The following RIMKLA variants were observed in gnomAD, a reference collection of about 807,000 sequenced individuals.
RIMKLA encodes N-acetylaspartylglutamate synthase A.
A neutral mutation model predicts 32.7 loss-of-function variants in RIMKLA; 14 were observed. The ratio of observed to expected loss-of-function variants is 0.43; its 90% CI spans 0.28 to 0.67. The LOEUF (loss-of-function observed/expected upper bound fraction) is 0.67. Among genes scored for constraint, RIMKLA ranks in the 30% least tolerant of loss-of-function variants. The pLI, the probability that RIMKLA is intolerant of heterozygous loss-of-function variation, is 0.18. For missense variants in RIMKLA, 410 were observed against 519.0 expected, an observed-to-expected ratio of 0.79 and a Z score of 2.04; for synonymous variants, 176 against 204.1, an observed-to-expected ratio of 0.86 and a Z score of 1.18.
In RIMKLA at chr1:42,421,142, G is replaced by A. The variant is rs945098177; in HGVS notation, c.*6168G>A. 4 of 152,366 alleles carry A rather than the reference G, an allele frequency of 2.6e-5. No individual in the cohort carries two copies. The highest frequency in any genetic ancestry group is 9.6e-5 in the African/African-American group (4 of 41,572). 9.4% of individuals were successfully genotyped at this position (152,366 alleles called of 1,614,324 possible). A position where few individuals can be genotyped will look rare whatever the true frequency, so the allele number is the denominator to read the frequency against. ...GTCCCATCCATCCTTGAGATTTTAT[G>A]ACGCTATGTGCAAGATCTAGCGAAC... On this transcript the variant is annotated 3_prime_UTR_variant, in exon 5 of 5. Coordinates refer to ENST00000431473, the MANE Select transcript of RIMKLA (RefSeq NM_173642.4). The surrounding 1 kb of genome is among the most constrained non-coding windows in gnomAD (Gnocchi z 4.6).
chr1:42,400,636 A>G (rs1490938807), intron 2 of RIMKLA, among the ~76,000 whole-genome samples: 2 of 152,218 alleles, frequency 1.3e-5, no homozygotes, highest in African/African-American at 4.8e-5. Flanking sequence ...AAGACTAGAA[A>G]TGTGGGAGGA....
chr1:42,393,360 C>A (rs919876197), intron 1 of RIMKLA, among the ~76,000 whole-genome samples: 3 of 152,180 alleles, frequency 2.0e-5, no homozygotes, highest in African/African-American at 7.2e-5. Context: ...GTGTATCTTT[C>A]TCTGTGAGGA....
In RIMKLA at chr1:42,415,064, T is replaced by C. The variant is rs1286427760; in HGVS notation, c.*90T>C. On this transcript the variant is annotated 3_prime_UTR_variant, in exon 5 of 5. Transcript: ENST00000431473. ...AAATCTGGACTAATGTGATTTCATT[T>C]GCACAGAAACTAGAAATCCCATCTG... 1 of 1,367,984 alleles carries C rather than the reference T, an allele frequency of 7.3e-7. No homozygotes were observed. The highest frequency in any genetic ancestry group is 9.9e-7 in the Non-Finnish European group (1 of 1,012,914). 84.7% of individuals were successfully genotyped at this position (1,367,984 alleles called of 1,614,324 possible).
intron 1 of RIMKLA, among the ~76,000 whole-genome samples, chr1:42,389,361 G>A (rs1642976979): frequency 6.6e-6 from 1 of 152,194 alleles, no homozygotes; most frequent in Non-Finnish European, 1.5e-5. Context: ...GAAGGGTTCA[G>A]AGATTGAGCT....
At chr1:42,393,290 T>C (rs1374120327) in intron 1 of RIMKLA, among the ~76,000 whole-genome samples, 1 of 152,146 alleles carries the variant, frequency 6.6e-6, no homozygotes, top group African/African-American at 2.4e-5. Context: ...AAATATTCCC[T>C]GAATGAATAT....
At chr1:42,392,695 A>G (rs1293375055) in intron 1 of RIMKLA, among the ~76,000 whole-genome samples, 1 of 152,216 alleles carries the variant, frequency 6.6e-6, no homozygotes, top group Non-Finnish European at 1.5e-5. Context: ...GGCTGGGCAT[A>G]GTGGCTCATA....
chr1:42,381,718 C>G (rs551207564), intron 1 of RIMKLA, among the ~76,000 whole-genome samples: 49 of 152,316 alleles, frequency 3.2e-4, no homozygotes, highest in Admixed American at 2.8e-3. Flanking sequence ...GCCGGGATTT[C>G]AGGTTCAGAC....
chr1:42,381,146 G>A, intron 1 of RIMKLA, 49 bp downstream of exon 1: 1 of 1,236,504 alleles, frequency 8.1e-7, no homozygotes, highest in South Asian at 3.4e-5. Context: ...CGGGGTCCAC[G>A]AGAGCCGGTC....
At chr1:42,389,770 T>G (rs112845650) in intron 1 of RIMKLA, among the ~76,000 whole-genome samples, 1 of 151,748 alleles carries the variant, frequency 6.6e-6, no homozygotes, top group Non-Finnish European at 1.5e-5. Context: ...GCAGAGATCG[T>G]GCCACTGCAC....
chr1:42,410,284 C>A (rs911217328), intron 4 of RIMKLA, 97 bp downstream of exon 4: 1 of 973,786 alleles, frequency 1.0e-6, no homozygotes, highest in South Asian at 1.5e-5. Flanking sequence ...CTGCTAGACA[C>A]CAGGATCTCA....
chr1:42,423,171 T>C lies in RIMKLA; in HGVS notation c.*8197T>C, dbSNP rs936415082. The stretch of plus-strand genomic sequence containing the variant: ...GCTTCTGAGGGTCAGGGAGTCCAAA[T>C]TGAGGTCAGAGCATCAAAGGGATAG... On this transcript the variant is annotated 3_prime_UTR_variant, in exon 5 of 5. Transcript: ENST00000431473. 3.9e-5 allele frequency among the ~76,000 whole-genome samples: 6 copies of C among 152,114 alleles called. No homozygotes were observed. The highest frequency in any genetic ancestry group is 7.2e-5 in the African/African-American group (3 of 41,418).
At chr1:42,412,468 A>G in intron 4 of RIMKLA, 1 of 340,270 alleles carries the variant, frequency 2.9e-6, no homozygotes, top group South Asian at 2.5e-5. Flanking sequence ...CATGATGGCC[A>G]TGATGCCAGC....
chr1:42,413,053 G>A (rs1444265897), intron 4 of RIMKLA, among the ~76,000 whole-genome samples: 3 of 152,114 alleles, frequency 2.0e-5, no homozygotes, highest in African/African-American at 7.2e-5. Context: ...AGAATCGCTT[G>A]AACCCGGGAG....
At chr1:42,397,139 T>C (rs1041958737) in intron 1 of RIMKLA, among the ~76,000 whole-genome samples, 3 of 152,198 alleles carry the variant, frequency 2.0e-5, no homozygotes, top group African/African-American at 7.2e-5. Flanking sequence ...CAAAAAACAG[T>C]TTATTGTAAT....
intron 1 of RIMKLA, among the ~76,000 whole-genome samples, chr1:42,387,398 A>G (rs928323645): frequency 1.3e-5 from 2 of 150,912 alleles, no homozygotes; most frequent in African/African-American, 4.9e-5. Flanking sequence ...CCCTGTTTCA[A>G]AAAAAAAAAT....
At chr1:42,382,408 TTGGGCAAACCAC>T (rs1263830338) in intron 1 of RIMKLA, among the ~76,000 whole-genome samples, 2 of 152,248 alleles carry the variant, frequency 1.3e-5, no homozygotes, top group Non-Finnish European at 2.9e-5. Context: ...TGGCTTTGCT[TTGGGCAAACCAC>T]TTTTGTCTTT....
chr1:42,389,500 G>A (rs1557751375), intron 1 of RIMKLA, among the ~76,000 whole-genome samples: 1 of 152,016 alleles, frequency 6.6e-6, no homozygotes, highest in Non-Finnish European at 1.5e-5. Flanking sequence ...GAAGGAAGAT[G>A]TGATCAGATC....
At chr1:42,386,102 T>C (rs916550143) in intron 1 of RIMKLA, among the ~76,000 whole-genome samples, 10 of 151,814 alleles carry the variant, frequency 6.6e-5, no homozygotes, top group African/African-American at 2.4e-4. Flanking sequence ...TTTGTATTTT[T>C]AGTAGAGATG....
chr1:42,381,454 T>G (rs1322404196), intron 1 of RIMKLA, among the ~76,000 whole-genome samples: 5 of 152,212 alleles, frequency 3.3e-5, no homozygotes, highest in Non-Finnish European at 7.3e-5. Flanking sequence ...CAGTTTAGAC[T>G]CTGAGGTTTC....
Sources: gnomAD v4.1 joint callset for allele counts (sites outside exome capture counted in the v4.1 genomes callset) on GRCh38, gnomAD v4.1.1 for gene constraint, Gnocchi (gnomAD v3.1) non-coding constraint, MANE v1.5 for transcripts, NCBI Gene and HGNC (gene_info 2026-07-23, HGNC 2026-07-21) for gene names.